Variants in PCDH9 observed in about 807,000 individuals in gnomAD.
PCDH9 encodes protocadherin 9, also known as protocadherin-9.
PCDH9 carries 24 observed loss-of-function variants against 70.6 expected under a neutral mutation model. That is an observed-to-expected ratio of 0.34 (90% CI 0.25 to 0.48). PCDH9 has a LOEUF of 0.48. Ranked by LOEUF, PCDH9 falls within the 20% of genes least tolerant of loss-of-function variation. PCDH9 has a pLI of 0.99. For missense variants in PCDH9, 1,281 were observed against 1,503.6 expected, an observed-to-expected ratio of 0.85 and a Z score of 2.45; for synonymous variants, 562 against 558.5, an observed-to-expected ratio of 1.01 and a Z score of -0.09.
At chr13:66,849,723 A>T (rs1215269611) in intron 3 of PCDH9, among the ~76,000 whole-genome samples, 1 of 152,126 alleles carries the variant, frequency 6.6e-6, no homozygotes, top group Non-Finnish European at 1.5e-5. Context: ...TGTAATTGTG[A>T]TTCAGACTCA....
At chr13:66,672,788 ACCCT>A (rs1418757720) in intron 3 of PCDH9, among the ~76,000 whole-genome samples, 9 of 152,252 alleles carry the variant, frequency 5.9e-5, no homozygotes, top group Admixed American at 1.3e-4. Flanking sequence ...AGATTTGACT[ACCCT>A]GCTGGATTTT....
At chr13:66,608,244 T>C (rs1372892920) in intron 4 of PCDH9, among the ~76,000 whole-genome samples, 1 of 152,118 alleles carries the variant, frequency 6.6e-6, no homozygotes, top group Non-Finnish European at 1.5e-5. Flanking sequence ...ATAAAGAGTT[T>C]ACACATTATC....
intron 2 of PCDH9, among the ~76,000 whole-genome samples, chr13:67,041,396 T>A (rs2085110573): frequency 6.6e-6 from 1 of 152,106 alleles, no homozygotes; most frequent in Non-Finnish European, 1.5e-5. Context: ...AAAACTTAAG[T>A]TTCAAATGAA....
At chr13:66,611,840 AT>A (rs1566454928) in intron 4 of PCDH9, among the ~76,000 whole-genome samples, 1 of 152,194 alleles carries the variant, frequency 6.6e-6, no homozygotes, top group East Asian at 1.9e-4. Context: ...ACCTAGAACT[AT>A]TCTAAGTGGG....
At chr13:66,872,643 A>G (rs2081716666) in intron 3 of PCDH9, among the ~76,000 whole-genome samples, 1 of 152,100 alleles carries the variant, frequency 6.6e-6, no homozygotes, top group African/African-American at 2.4e-5. Flanking sequence ...TTCATATTAT[A>G]TTCTTCAGTG....
intron 3 of PCDH9, among the ~76,000 whole-genome samples, chr13:66,877,382 T>A (rs910274631): frequency 1.4e-5 from 2 of 147,952 alleles, no homozygotes; most frequent in South Asian, 4.2e-4. Flanking sequence ...GAAGGTTTAG[T>A]GGTTTTTTTT....
intron 2 of PCDH9, among the ~76,000 whole-genome samples, chr13:67,187,394 A>G (rs1373969233): frequency 2.0e-5 from 3 of 152,186 alleles, no homozygotes; most frequent in Non-Finnish European, 4.4e-5. Context: ...TTTGATTTAT[A>G]TAGTATGGCT....
Position 67,227,190 on chromosome 13 carries a change from G to A in PCDH9, c.1251C>T (p.Asn417=). 6.2e-7 allele frequency: 1 copy of A among 1,613,200 alleles called. No individual in the cohort carries two copies. The highest frequency in any genetic ancestry group is 8.5e-7 in the Non-Finnish European group (1 of 1,179,174). ...VPFHLKAVYD[N]QYLLETSSLL... ...AAGAAGAGGTCTCTAACAAATATTG[G>A]TTGTCATATACCGCCTTCAAATGAA... Residue 417 remains asparagine (N), a synonymous_variant, in exon 2 of 5, where the codon AAC becomes AAT. Transcript: ENST00000377865. This position sits in a 1 kb window ranked among gnomAD's most constrained non-coding sequence, Gnocchi z 4.6.
chr13:66,336,074 G>C (rs1242036244), intron 4 of PCDH9, among the ~76,000 whole-genome samples: 1 of 152,006 alleles, frequency 6.6e-6, no homozygotes, highest in African/African-American at 2.4e-5. Context: ...AATGGAAAGA[G>C]AAACCTTCCA....
chr13:66,522,767 A>T lies in PCDH9; in HGVS notation c.3340+108443T>A, dbSNP rs114204769. Among the ~76,000 whole-genome samples, 552 of 152,096 alleles carry T rather than the reference A, an allele frequency of 3.6e-3. 3 individuals are homozygous for T. Among genetic ancestry groups the T allele is most frequent in the African/African-American group, 0.013 (525 of 41,522 alleles). On this transcript the variant is annotated intron_variant, in intron 4 of 4. Coordinates refer to ENST00000377865, the MANE Select transcript of PCDH9 (RefSeq NM_203487.3). The stretch of plus-strand genomic sequence containing the variant: ...CCAAGAAGATCTGCAAGAGACATGG[A>T]GTGGAATCTCCCCTTAAAACTTTGG...
chr13:66,731,130 GA>G (rs940039205), intron 3 of PCDH9, among the ~76,000 whole-genome samples: 21 of 152,032 alleles, frequency 1.4e-4, no homozygotes, highest in African/African-American at 5.1e-4. Context: ...ATCATTCGAA[GA>G]GAATGATGGG....
intron 2 of PCDH9, among the ~76,000 whole-genome samples, chr13:67,015,802 C>A (rs1404306469): frequency 6.6e-6 from 1 of 152,140 alleles, no homozygotes; most frequent in Non-Finnish European, 1.5e-5. Context: ...AAAGTAATCT[C>A]TCATTCATCT....
At chr13:67,083,648 C>T (rs544374385) in intron 2 of PCDH9, among the ~76,000 whole-genome samples, 35 of 152,198 alleles carry the variant, frequency 2.3e-4, no homozygotes, top group Middle Eastern at 3.4e-3. Context: ...AACAGAAAAA[C>T]GAGCTCAGAG....
At chr13:67,095,179 G>A (rs890584899) in intron 2 of PCDH9, among the ~76,000 whole-genome samples, 10 of 151,968 alleles carry the variant, frequency 6.6e-5, no homozygotes, top group African/African-American at 1.2e-4. Context: ...TTATTCAACC[G>A]ACTGTTACTT....
At chr13:66,934,398 G>C (rs2082869576) in intron 2 of PCDH9, among the ~76,000 whole-genome samples, 1 of 151,686 alleles carries the variant, frequency 6.6e-6, no homozygotes, top group African/African-American at 2.4e-5. Flanking sequence ...AAAATTAGCT[G>C]GGTGTGGTGG....
chr13:66,351,787 A>G (rs894877954), intron 4 of PCDH9, among the ~76,000 whole-genome samples: 2 of 152,078 alleles, frequency 1.3e-5, no homozygotes, highest in African/African-American at 2.4e-5. Context: ...GTATAACAAT[A>G]TAAAAAAATA....
chr13:67,180,228 T>G (rs1463922799), intron 2 of PCDH9, among the ~76,000 whole-genome samples: 1 of 152,200 alleles, frequency 6.6e-6, no homozygotes, highest in African/African-American at 2.4e-5. Context: ...TTCTGCTTTA[T>G]TGTATGTAAT....
intron 4 of PCDH9, among the ~76,000 whole-genome samples, chr13:66,499,697 A>G (rs952209312): frequency 3.9e-5 from 6 of 152,230 alleles, no homozygotes; most frequent in African/African-American, 1.4e-4. Flanking sequence ...AAGTTAATCA[A>G]CTGATATAGG....
intron 4 of PCDH9, among the ~76,000 whole-genome samples, chr13:66,367,272 A>T (rs979111601): frequency 6.6e-6 from 1 of 152,140 alleles, no homozygotes; most frequent in Non-Finnish European, 1.5e-5. Context: ...ACTAATAGGG[A>T]GAGTCATTTT....
Sources: gnomAD v4.1 joint callset for allele counts (sites outside exome capture counted in the v4.1 genomes callset) on GRCh38, gnomAD v4.1.1 for gene constraint, Gnocchi (gnomAD v3.1) non-coding constraint, MANE v1.5 for transcripts, NCBI Gene and HGNC (gene_info 2026-07-23, HGNC 2026-07-21) for gene names.